RBM17: variants seen among roughly 807,000 people sequenced by gnomAD.
RBM17 encodes the protein splicing factor 45.
In RBM17, 7 loss-of-function variants were observed where a neutral mutation model predicts 53.2. That is an observed-to-expected ratio of 0.13 (90% CI 0.07 to 0.25). The LOEUF is 0.25. Among genes scored for constraint, RBM17 ranks in the 10% least tolerant of loss-of-function variants. The pLI is 1.00. For synonymous variants in RBM17, 167 were observed against 178.1 expected (o/e 0.94, Z 0.50); for missense variants, 257 against 496.7 (o/e 0.52, Z 4.59).
chr10:6,097,419 C>T (rs1362741655), intron 2 of RBM17, among the ~76,000 whole-genome samples: 1 of 152,244 alleles, frequency 6.6e-6, no homozygotes, highest in African/African-American at 2.4e-5. Context: ...TCTGCGGGGG[C>T]TGGGCGCAGT....
At chr10:6,096,989 A>G in intron 1 of RBM17, 59 bp from the exon 2 acceptor site, 1 of 1,500,884 alleles carries the variant, frequency 6.7e-7, no homozygotes, top group Non-Finnish European at 9.0e-7. Context: ...ACTTATTTTA[A>G]CATGAAAAGC....
At chr10:6,109,867 C>A in intron 6 of RBM17, 119 bp from the exon 7 acceptor site, 2 of 781,212 alleles carry the variant, frequency 2.6e-6, no homozygotes, top group East Asian at 2.8e-5. Flanking sequence ...GTGTTTTTCT[C>A]TCCTTGTGGT....
At position 6,113,757 on chromosome 10, in the gene RBM17, T is replaced by G; in HGVS notation, c.930+176T>G. 3 of 603,110 alleles carry G rather than the reference T, an allele frequency of 5.0e-6. No individual in the cohort carries two copies. In the Admixed American group the frequency reaches 9.2e-5, roughly 18 times the overall value. 37.4% of individuals were successfully genotyped at this position (603,110 alleles called of 1,614,324 possible). On this transcript the variant is annotated intron_variant, in intron 9 of 11. Transcript: ENST00000379888. ...TTCACTAATGTGTAAGTCTCTTTGC[T>G]AAGTACAGTGTTTAAGACTGCAGTG...
chr10:6,109,087 T>A (rs932157586), intron 6 of RBM17, among the ~76,000 whole-genome samples: 27 of 152,364 alleles, frequency 1.8e-4, no homozygotes, highest in African/African-American at 6.3e-4. Context: ...GTTTAGAGGC[T>A]GTTATATTCA....
At chr10:6,106,789 A>T (rs1336552155) in intron 5 of RBM17, among the ~76,000 whole-genome samples, 2 of 151,962 alleles carry the variant, frequency 1.3e-5, no homozygotes, top group African/African-American at 4.8e-5. Flanking sequence ...TTTTTTTCTT[A>T]AACACCAGCA....
chr10:6,115,135 A>G (rs777689881), intron 10 of RBM17, 104 bp from the exon 11 acceptor site: 4 of 867,042 alleles, frequency 4.6e-6, no homozygotes, highest in Admixed American at 5.3e-5. Flanking sequence ...TTGACTGTAT[A>G]TGATGATAAT....
At position 6,113,562 on chromosome 10, in the gene RBM17, C is replaced by G. The variant is rs138018241; in HGVS notation, c.911C>G (p.Thr304Ser). The G allele has an allele frequency of 3.7e-6, 6 of 1,612,480 alleles. No homozygotes were observed. Among genetic ancestry groups the G allele is most frequent in the Non-Finnish European group, 5.1e-6 (6 of 1,178,600 alleles). The change falls in exon 9 of 12, where the codon ACT (threonine) becomes AGT (serine). Residue 304 changes from threonine to serine, a missense_variant. By Grantham distance (58) the Thr-to-Ser change is moderately conservative. Coordinates refer to ENST00000379888, the MANE Select transcript of RBM17 (RefSeq NM_032905.5). ...NPLTEILKCPTKVVLLRNMVG... is the reference protein window; with the variant it reads ...NPLTEILKCPSKVVLLRNMVG... ...CTGACTGAAATACTTAAGTGTCCTA[C>G]TAAAGTGGTCTTACTAAGGGTAAGA...
chr10:6,107,158 C>A (rs1318233124), intron 5 of RBM17, among the ~76,000 whole-genome samples: 1 of 152,164 alleles, frequency 6.6e-6, no homozygotes, highest in Non-Finnish European at 1.5e-5. Flanking sequence ...AGAATAATTT[C>A]TAGAATAATT....
chr10:6,103,363 A>G (rs983125322), intron 3 of RBM17, among the ~76,000 whole-genome samples: 1 of 152,180 alleles, frequency 6.6e-6, no homozygotes, highest in Non-Finnish European at 1.5e-5. Context: ...GATTGATTTC[A>G]TTGTTAAGCA....
At chr10:6,115,045 T>TG in intron 10 of RBM17, 194 bp from the exon 11 acceptor site, 1 of 584,300 alleles carries the variant, frequency 1.7e-6, no homozygotes, top group Non-Finnish European at 3.0e-6. Context: ...CACCTAACAA[T>TG]GCCTGTCATA....
intron 11 of RBM17, 53 bp downstream of exon 11, chr10:6,115,364 A>T (rs1840898652): frequency 1.3e-6 from 2 of 1,539,534 alleles, no homozygotes; most frequent in Non-Finnish European, 1.8e-6. Context: ...TTACAGCCTT[A>T]ATCTTTACAA....
At chr10:6,108,817 C>T (rs1347106489) in intron 6 of RBM17, 75 bp downstream of exon 6, 5 of 1,203,446 alleles carry the variant, frequency 4.2e-6, no homozygotes, top group Admixed American at 2.0e-5. Flanking sequence ...TCAGCTTGGG[C>T]CCCCAGGTTT....
chr10:6,105,172 GCTGT>G, intron 4 of RBM17, 75 bp downstream of exon 4: 1 of 1,390,172 alleles, frequency 7.2e-7, no homozygotes, highest in Non-Finnish European at 1.0e-6. Flanking sequence ...GAGCGTCGCT[GCTGT>G]CTGTAAGGCT....
chr10:6,113,998 T>G, intron 9 of RBM17, 51 bp from the exon 10 acceptor site: 1 of 1,144,644 alleles, frequency 8.7e-7, no homozygotes, highest in Non-Finnish European at 1.3e-6. Flanking sequence ...CTCTGCTAGG[T>G]GTTTGTAAGT....
At position 6,116,461 on chromosome 10, in the gene RBM17, A is replaced by C. The variant is rs1840919115; in HGVS notation, c.*905A>C. 1 of 152,476 alleles carries C rather than the reference A, an allele frequency of 6.6e-6. No homozygotes were observed. Among genetic ancestry groups the C allele is most frequent in the East Asian group, 1.9e-4 (1 of 5,330 alleles). 9.4% of individuals were successfully genotyped at this position (152,476 alleles called of 1,614,324 possible). On this transcript the variant is annotated 3_prime_UTR_variant, in exon 12 of 12. Coordinates refer to ENST00000379888, the MANE Select transcript of RBM17 (RefSeq NM_032905.5). ...AACTGTACTGCCAATAGAATTCTGG[A>C]ATTGTGAGAAATTGTATCATTGAAG... is the stretch of plus-strand genomic sequence containing the variant.
In RBM17 at chr10:6,109,556, C is replaced by T. The variant is rs189947945; in HGVS notation, c.563-430C>T. ...CACCGCTCCAGTGCGTAGCCCCTAA[C>T]CTCGGACACCTTTGTGGGCCATGAG... On this transcript the variant is annotated intron_variant, in intron 6 of 11. Transcript: ENST00000379888. Among the ~76,000 whole-genome samples the T allele has an allele frequency of 5.0e-3, 769 of 152,296 alleles. 4 individuals carry two copies. The highest frequency in any genetic ancestry group is 0.018 in the African/African-American group (747 of 41,562).
At position 6,112,188 on chromosome 10, in the gene RBM17, CT is replaced by C; in HGVS notation, c.705-19del. On this transcript the variant is annotated intron_variant, in intron 7 of 11. Coordinates refer to ENST00000379888, the MANE Select transcript of RBM17 (RefSeq NM_032905.5). The surrounding 1 kb of genome is among the most constrained non-coding windows in gnomAD (Gnocchi z 4.4). ...GTTGACGATGTCAAGGCTAAGAGTC[CT>C]TTCCCTTCTTCTCCTGCCAGGGGCA... 6.2e-7 allele frequency: 1 copy of C among 1,607,108 alleles called. No individual in the cohort carries two copies. Among genetic ancestry groups the C allele is most frequent in the Non-Finnish European group, 8.5e-7 (1 of 1,179,162 alleles).
In RBM17 at chr10:6,098,576, T is replaced by TG. The variant is rs1186767266; in HGVS notation, c.123+1388_123+1389insG. Among the ~76,000 whole-genome samples the TG allele has an allele frequency of 8.2e-5, 10 of 122,068 alleles. No homozygotes were observed. In the South Asian group the frequency reaches 1.5e-3, roughly 18 times the overall value. 80.1% of individuals were successfully genotyped at this position (122,068 alleles called of 152,430 possible). On this transcript the variant is annotated intron_variant, in intron 2 of 11. Transcript: ENST00000379888. ...CACAGGTTTTTTGTTTTTTTTTTTT[T>TG]TTTTTTTTTTTTTTTTTGAGACGTA...
intron 10 of RBM17, 26 bp downstream of exon 10, chr10:6,114,173 A>T (rs760263604): frequency 1.5e-6 from 2 of 1,369,672 alleles, no homozygotes; most frequent in Non-Finnish European, 1.0e-6. Context: ...TTTGATGTTT[A>T]TAACACAAGT....
Sources: allele counts gnomAD v4.1 joint callset (sites outside exome capture counted in the v4.1 genomes callset), GRCh38; gene constraint gnomAD v4.1.1; non-coding constraint Gnocchi (gnomAD v3.1); transcripts MANE v1.5; gene names NCBI Gene and HGNC (gene_info 2026-07-23, HGNC 2026-07-21).